SLC35B3: variants seen among roughly 807,000 people sequenced by gnomAD.
The protein encoded by SLC35B3 is adenosine 3'-phospho 5'-phosphosulfate transporter 2.
SLC35B3 carries 35 observed loss-of-function variants against 44.1 expected under a neutral mutation model. The ratio of observed to expected loss-of-function variants is 0.79; its 90% CI spans 0.61 to 1.05. The LOEUF (loss-of-function observed/expected upper bound fraction) is 1.05. SLC35B3 is among the 50% of genes least tolerant of loss of function. The pLI is 0.00. For synonymous variants in SLC35B3, 146 were observed against 167.3 expected (o/e 0.87, Z 0.98); for missense variants, 414 against 476.4 (o/e 0.87, Z 1.22).
chr6:8,418,302 G>C (rs1048054759), intron 7 of SLC35B3, among the ~76,000 whole-genome samples: 3 of 152,008 alleles, frequency 2.0e-5, no homozygotes, highest in Non-Finnish European at 1.5e-5. Flanking sequence ...TCTACAATGA[G>C]TAGTGATTAT....
Position 8,434,303 on chromosome 6 carries a change from T to C in SLC35B3, c.3+82A>G, listed in dbSNP as rs1169118149. The C allele has an allele frequency of 3.7e-6, 5 of 1,337,094 alleles. No individual in the cohort carries two copies. The Admixed American group carries it at 9.0e-5, about 24-fold the overall frequency. 82.8% of individuals were successfully genotyped at this position (1,337,094 alleles called of 1,614,324 possible). ...AAAAAGGTAGAATATGAAAAAAAAG[T>C]CATTACGGTGTCATTAACCTGAAAA... On this transcript the variant is annotated intron_variant, in intron 2 of 10. Coordinates refer to ENST00000644923, the MANE Select transcript of SLC35B3 (RefSeq NM_001370476.2). This position sits in a 1 kb window ranked among gnomAD's most constrained non-coding sequence, Gnocchi z 6.3.
At chr6:8,417,611 T>C (rs1206799746) in intron 7 of SLC35B3, 117 bp from the exon 7 acceptor site, 1 of 566,130 alleles carries the variant, frequency 1.8e-6, no homozygotes, top group African/African-American at 2.0e-5. Flanking sequence ...AAAGAAACAT[T>C]ATAATTTCAA....
intron 7 of SLC35B3, among the ~76,000 whole-genome samples, chr6:8,417,774 A>C (rs1162635440): frequency 1.4e-5 from 2 of 142,444 alleles, no homozygotes; most frequent in Non-Finnish European, 3.0e-5. Context: ...AATCAACCAG[A>C]TTTTCATATT....
chr6:8,415,476 G>GT (rs1762335710), intron 9 of SLC35B3, among the ~76,000 whole-genome samples: 1 of 152,138 alleles, frequency 6.6e-6, no homozygotes, highest in East Asian at 1.9e-4. Context: ...GAAGTCTGCT[G>GT]TAACGCTGGA....
chr6:8,427,217 T>C (rs1029860455), intron 4 of SLC35B3, among the ~76,000 whole-genome samples: 2 of 152,168 alleles, frequency 1.3e-5, no homozygotes, highest in Non-Finnish European at 2.9e-5. Context: ...TGCAGAAATT[T>C]GCCTAACAAG....
In SLC35B3 at chr6:8,419,535, T is replaced by A. The variant is rs1236688466; in HGVS notation, c.780+45A>T. On this transcript the variant is annotated intron_variant, in intron 7 of 10. Coordinates refer to ENST00000644923, the MANE Select transcript of SLC35B3 (RefSeq NM_001370476.2). This position sits in a 1 kb window ranked among gnomAD's most constrained non-coding sequence, Gnocchi z 4.3. ...TTCATCAAATTACGTGTATCACCAT[T>A]TTTTAAATCTGTCTAATTTGAAGAA... is the stretch of plus-strand genomic sequence containing the variant. 2 of 1,029,840 alleles carry A rather than the reference T, an allele frequency of 1.9e-6. No homozygotes were observed. Among genetic ancestry groups the A allele is most frequent in the Non-Finnish European group, 2.8e-6 (2 of 703,736 alleles). The allele number at this position is 1,029,840 out of a possible 1,614,324, so 63.8% of individuals were successfully genotyped here. A position where few individuals can be genotyped will look rare whatever the true frequency, so the allele number is the denominator to read the frequency against.
chr6:8,424,276 G>C (rs1489064882), intron 4 of SLC35B3, among the ~76,000 whole-genome samples: 1 of 151,950 alleles, frequency 6.6e-6, no homozygotes, highest in East Asian at 1.9e-4. Context: ...TTTTGAGACG[G>C]AGTCTCGCTC....
At chr6:8,422,720 C>A in intron 4 of SLC35B3, 96 bp from the exon 4 acceptor site, 1 of 934,998 alleles carries the variant, frequency 1.1e-6, no homozygotes, top group Non-Finnish European at 1.6e-6. Flanking sequence ...AATTACTTTT[C>A]TAATTTCTGG....
chr6:8,424,786 C>T (rs1763262751), intron 4 of SLC35B3, among the ~76,000 whole-genome samples: 1 of 152,136 alleles, frequency 6.6e-6, no homozygotes, highest in South Asian at 2.1e-4. Flanking sequence ...GAGGTCTTGA[C>T]AGATGTAATA....
intron 3 of SLC35B3, 106 bp from the exon 3 acceptor site, chr6:8,428,164 C>T: frequency 9.7e-7 from 1 of 1,030,184 alleles, no homozygotes; most frequent in Non-Finnish European, 1.3e-6. Flanking sequence ...GCCCCACCTC[C>T]AACAACAACA....
At chr6:8,427,637 T>C (rs752706025) in intron 4 of SLC35B3, among the ~76,000 whole-genome samples, 2 of 152,220 alleles carry the variant, frequency 1.3e-5, no homozygotes, top group Non-Finnish European at 2.9e-5. Flanking sequence ...TAACTGCACC[T>C]ATTTCAGCAG....
intron 5 of SLC35B3, among the ~76,000 whole-genome samples, chr6:8,421,994 G>GT (rs1373300989): frequency 1.3e-4 from 7 of 53,194 alleles, no homozygotes; most frequent in Non-Finnish European, 2.3e-4. Flanking sequence ...GCATATAAGT[G>GT]TTTGTTTGTT....
At position 8,419,577 on chromosome 6, in the gene SLC35B3, T is replaced by C. The variant is rs901273389; in HGVS notation, c.780+3A>G. ...TTTGAAGAAAAAACACTAGAGTATT[T>C]ACCATTTCAGAATTAGAAGCATTAT... On this transcript the variant is annotated splice_donor_region_variant and intron_variant, in intron 7 of 10. Coordinates refer to ENST00000644923, the MANE Select transcript of SLC35B3 (RefSeq NM_001370476.2). This position sits in a 1 kb window ranked among gnomAD's most constrained non-coding sequence, Gnocchi z 4.3. 48 of 1,477,718 alleles carry C rather than the reference T, an allele frequency of 3.2e-5. No homozygotes were observed. The highest frequency in any genetic ancestry group is 4.1e-5 in the Non-Finnish European group (44 of 1,082,458). 91.5% of individuals were successfully genotyped at this position (1,477,718 alleles called of 1,614,324 possible). A position where few individuals can be genotyped will look rare whatever the true frequency, so the allele number is the denominator to read the frequency against.
rs771861974 is a variant in SLC35B3 at position 8,432,566 on chromosome 6, G to T, written c.3+1819C>A. 7.9e-5 allele frequency among the ~76,000 whole-genome samples: 12 copies of T among 152,098 alleles called. 1 individual carries two copies. The highest frequency in any genetic ancestry group is 1.3e-4 in the Non-Finnish European group (9 of 68,036). On this transcript the variant is annotated intron_variant, in intron 2 of 10. Coordinates refer to ENST00000644923, the MANE Select transcript of SLC35B3 (RefSeq NM_001370476.2). The surrounding 1 kb of genome is among the most constrained non-coding windows in gnomAD (Gnocchi z 4.8). ...GGAATTTTGACAGATATGAGTTCAA[G>T]ATCTGGCTTTACTACTTATTAGCTG...
At chr6:8,431,870 C>A (rs147384353) in intron 2 of SLC35B3, among the ~76,000 whole-genome samples, 8 of 152,112 alleles carry the variant, frequency 5.3e-5, no homozygotes, top group African/African-American at 1.7e-4. Context: ...GTTTGCTCTC[C>A]CTCCACTCTC....
chr6:8,418,835 T>C (rs1426310660), intron 7 of SLC35B3: 1 of 227,042 alleles, frequency 4.4e-6, no homozygotes, highest in South Asian at 4.7e-5. Context: ...ATGGGATTTT[T>C]AGTTTATTTG....
Position 8,420,647 on chromosome 6 carries a change from C to G in SLC35B3, c.682+74G>C. 8.8e-7 allele frequency: 1 copy of G among 1,136,078 alleles called. No homozygotes were observed. The highest frequency in any genetic ancestry group is 1.3e-6 in the Non-Finnish European group (1 of 775,444). 70.4% of individuals were successfully genotyped at this position (1,136,078 alleles called of 1,614,324 possible). On this transcript the variant is annotated intron_variant, in intron 6 of 10. Coordinates refer to ENST00000644923, the MANE Select transcript of SLC35B3 (RefSeq NM_001370476.2). This position sits in a 1 kb window ranked among gnomAD's most constrained non-coding sequence, Gnocchi z 4.4. ...AGCTGTCACACTATCATTTAAAATG[C>G]TTACAAAATATTCGAAATTCGTATT... is the stretch of plus-strand genomic sequence containing the variant.
chr6:8,431,932 T>A lies in SLC35B3; in HGVS notation c.4-1775A>T, dbSNP rs561014094. On this transcript the variant is annotated intron_variant, in intron 2 of 10. Transcript: ENST00000644923. ...CATTCCTGAAATACACCAGGGACTT[T>A]AAAACACCGCTGCCTTCTGTTCATG... Among the ~76,000 whole-genome samples the A allele has an allele frequency of 4.6e-4, 70 of 152,020 alleles. 1 individual carries two copies. The highest frequency in any genetic ancestry group is 1.7e-3 in the African/African-American group (70 of 41,478).
intron 5 of SLC35B3, 31 bp downstream of exon 4, chr6:8,422,439 T>C (rs372374762): frequency 5.9e-6 from 9 of 1,538,118 alleles, no homozygotes; most frequent in Non-Finnish European, 8.0e-6. Context: ...CTATTAGTTT[T>C]AAATAGTATA....
Sources: allele counts gnomAD v4.1 joint callset (sites outside exome capture counted in the v4.1 genomes callset), GRCh38; gene constraint gnomAD v4.1.1; non-coding constraint Gnocchi (gnomAD v3.1); transcripts MANE v1.5; gene names NCBI Gene and HGNC (gene_info 2026-07-23, HGNC 2026-07-21).